The following MYDGF variants were observed in gnomAD, a reference collection of about 807,000 sequenced individuals.
The protein encoded by MYDGF is myeloid-derived growth factor.
A neutral mutation model predicts 24.2 loss-of-function variants in MYDGF; 29 were observed. The observed-to-expected ratio is 1.20, with a 90% CI of 0.89 to 1.63. The LOEUF (loss-of-function observed/expected upper bound fraction) is 1.63. Among genes scored for constraint, MYDGF ranks in the 40% most tolerant of loss-of-function variants. MYDGF has a pLI of 0.00. For synonymous variants in MYDGF, 105 were observed against 102.5 expected (o/e 1.02, Z -0.15); for missense variants, 245 against 234.8 (o/e 1.04, Z -0.29).
chr19:4,669,809 T>TG (rs1340643178), intron 1 of MYDGF, among the ~76,000 whole-genome samples: 1 of 152,088 alleles, frequency 6.6e-6, no homozygotes, highest in Non-Finnish European at 1.5e-5. Flanking sequence ...GGAGGGCAGA[T>TG]GCCCTTTAGC....
intron 4 of MYDGF, 95 bp downstream of exon 4, chr19:4,660,574 C>T (rs543516482): frequency 1.7e-6 from 2 of 1,199,932 alleles, no homozygotes; most frequent in Admixed American, 1.8e-5. Context: ...CCTCTCCTCC[C>T]TGTCCCCATG....
At position 4,657,883 on chromosome 19, in the gene MYDGF, G is replaced by A. The variant is rs1599834665; in HGVS notation, c.*122C>T. On this transcript the variant is annotated 3_prime_UTR_variant, in exon 6 of 6. Transcript: ENST00000262947. ...AGCCCCTCCGGACAAGGCAACGTCA[G>A]CCCAGGTAGAAAACTTAAGAGTCCC... is the stretch of plus-strand genomic sequence containing the variant. 7.6e-6 allele frequency: 7 copies of A among 920,046 alleles called. No homozygotes were observed. In the East Asian group the frequency reaches 1.6e-4, roughly 21 times the overall value. The allele number at this position is 920,046 out of a possible 1,614,324, so 57.0% of individuals were successfully genotyped here.
At position 4,665,017 on chromosome 19, in the gene MYDGF, A is replaced by G. The variant is rs556405090; in HGVS notation, c.226-80T>C. ...CTTCTAGGTGTGCCTCTGATTCTACAGTCAGGCCACCTCTTCTGTACCTCC... is the reference window on the plus strand; with the variant it reads ...CTTCTAGGTGTGCCTCTGATTCTACGGTCAGGCCACCTCTTCTGTACCTCC... On this transcript the variant is annotated intron_variant, in intron 2 of 5. Coordinates refer to ENST00000262947, the MANE Select transcript of MYDGF (RefSeq NM_019107.4). 3.4e-6 allele frequency: 5 copies of G among 1,473,642 alleles called. No homozygotes were observed. The Admixed American group carries it at 7.6e-5, about 22-fold the overall frequency. 91.3% of individuals were successfully genotyped at this position (1,473,642 alleles called of 1,614,324 possible). A position where few individuals can be genotyped will look rare whatever the true frequency, so the allele number is the denominator to read the frequency against.
rs753435683 is a variant in MYDGF at position 4,658,610 on chromosome 19, G to A, written c.443-526C>T. ...ACCCTTGCCCCAGCTCGGCGCCTCCGATTCCTCTTTCTGCTTAGCATTGGC... is the reference window on the plus strand; with the variant it reads ...ACCCTTGCCCCAGCTCGGCGCCTCCAATTCCTCTTTCTGCTTAGCATTGGC... On this transcript the variant is annotated intron_variant, in intron 5 of 5. Transcript: ENST00000262947. Among the ~76,000 whole-genome samples the A allele has an allele frequency of 2.0e-5, 3 of 152,084 alleles. No individual in the cohort carries two copies. The East Asian group carries it at 5.8e-4, about 30-fold the overall frequency.
At chr19:4,666,432 C>T (rs1161196891) in intron 2 of MYDGF, among the ~76,000 whole-genome samples, 4 of 152,056 alleles carry the variant, frequency 2.6e-5, no homozygotes, top group African/African-American at 4.8e-5. Context: ...CGTGCCACCA[C>T]GCCCTGCTAA....
chr19:4,667,291 G>A (rs970221991), intron 2 of MYDGF, among the ~76,000 whole-genome samples: 2 of 152,032 alleles, frequency 1.3e-5, no homozygotes, highest in African/African-American at 4.8e-5. Flanking sequence ...AAAACACCCG[G>A]CTAATTTTTT....
Position 4,670,179 on chromosome 19 carries a change from G to C in MYDGF, c.156C>G (p.Ser52=). ...CACGTACCCCCGGGCCCACGTTATG[G>C]GAGAAGGAATGCACGACGCCGCCGG... is the stretch of plus-strand genomic sequence containing the variant. ...VRPGGVVHSF[S]HNVGPGDKYT... is the part of the protein sequence containing the mutation. The change falls in exon 1 of 6, where the codon TCC becomes TCG. Residue 52 remains serine (S), a synonymous_variant. Coordinates refer to ENST00000262947, the MANE Select transcript of MYDGF (RefSeq NM_019107.4). 1 of 1,552,646 alleles carries C rather than the reference G, an allele frequency of 6.4e-7. No homozygotes were observed. Among genetic ancestry groups the C allele is most frequent in the Non-Finnish European group, 8.7e-7 (1 of 1,152,254 alleles).
chr19:4,668,806 C>G, intron 1 of MYDGF, 161 bp from the exon 2 acceptor site: 1 of 557,656 alleles, frequency 1.8e-6, no homozygotes, highest in Non-Finnish European at 3.2e-6. Context: ...CTCAGCCTCT[C>G]AAGTAACTGA....
In MYDGF at chr19:4,662,416, C is replaced by A. The variant is rs76600312; in HGVS notation, c.288-1666G>T. 4.3e-4 allele frequency among the ~76,000 whole-genome samples: 65 copies of A among 152,326 alleles called. No individual in the cohort carries two copies. In the East Asian group the frequency reaches 0.012, roughly 29 times the overall value. On this transcript the variant is annotated intron_variant, in intron 3 of 5. Transcript: ENST00000262947. ...GGGACAAGATTCCTGAAGCCCCCGA[C>A]CCCCTCCCCACCGGGGGGCCTGACG...
At position 4,658,091 on chromosome 19, in the gene MYDGF, G is replaced by GA; in HGVS notation, c.443-8dup. 6.2e-7 allele frequency: 1 copy of GA among 1,607,310 alleles called. No individual in the cohort carries two copies. Among genetic ancestry groups the GA allele is most frequent in the Non-Finnish European group, 8.5e-7 (1 of 1,177,318 alleles). On this transcript the variant is annotated splice_region_variant and splice_polypyrimidine_tract_variant and intron_variant, in intron 5 of 5. Coordinates refer to ENST00000262947, the MANE Select transcript of MYDGF (RefSeq NM_019107.4). ...GCCCCGGGCCTGTGAGCCACTGCAA[G>GA]AAAGAAACACATGGTTGGGCCCTCA...
At chr19:4,663,892 G>A (rs548450177) in intron 3 of MYDGF, among the ~76,000 whole-genome samples, 5 of 149,220 alleles carry the variant, frequency 3.4e-5, no homozygotes, top group Admixed American at 2.7e-4. Flanking sequence ...CATCCTGGTT[G>A]GTGCCTGGAG....
chr19:4,661,636 AG>A (rs1459902185), intron 3 of MYDGF, among the ~76,000 whole-genome samples: 2 of 145,180 alleles, frequency 1.4e-5, no homozygotes, highest in Non-Finnish European at 3.0e-5. Flanking sequence ...GAGGGGCAGC[AG>A]GGGGGCCATT....
intron 5 of MYDGF, among the ~76,000 whole-genome samples, chr19:4,659,229 C>T (rs1385260712): frequency 1.3e-5 from 2 of 151,990 alleles, no homozygotes; most frequent in Admixed American, 6.6e-5. Flanking sequence ...GTACACACCA[C>T]CATGCCCGGC....
chr19:4,657,741 G>A lies in MYDGF; in HGVS notation c.*264C>T, dbSNP rs992485849. The A allele has an allele frequency of 2.5e-5, 8 of 320,558 alleles. No homozygotes were observed. The highest frequency in any genetic ancestry group is 4.0e-5 in the Non-Finnish European group (7 of 173,042). The allele number at this position is 320,558 out of a possible 1,614,324, so 19.9% of individuals were successfully genotyped here. On this transcript the variant is annotated 3_prime_UTR_variant, in exon 6 of 6. Transcript: ENST00000262947. ...ATGTTCCCCACCCTCTTTGTGCCCC[G>A]GATCTGCGATCCTGAGTCCAGAAGA... is the stretch of plus-strand genomic sequence containing the variant.
At chr19:4,660,557 G>T in intron 4 of MYDGF, 112 bp downstream of exon 4, 1 of 1,013,992 alleles carries the variant, frequency 9.9e-7, no homozygotes, top group Non-Finnish European at 1.5e-6. Context: ...TGCAGGATTC[G>T]CTGTCCCCTC....
intron 3 of MYDGF, among the ~76,000 whole-genome samples, chr19:4,663,526 T>C (rs113637502): frequency 1.6e-3 from 79 of 49,252 alleles, no homozygotes; most frequent in Middle Eastern, 0.018. Flanking sequence ...CCCATCCTCA[T>C]TCTACACAGC....
Position 4,668,593 on chromosome 19 carries a change from A to G in MYDGF, c.225+2T>C. ...AGCTAGAGGGAATTTTGAACAACTC[A>G]CCTCATTGGTCCCTCCTTGAGAGGC... is the stretch of plus-strand genomic sequence containing the variant. On this transcript the variant is annotated splice_donor_variant, in intron 2 of 5. Transcript: ENST00000262947. LOFTEE classifies it high-confidence loss of function. 1 of 1,609,248 alleles carries G rather than the reference A, an allele frequency of 6.2e-7. No individual in the cohort carries two copies. Among genetic ancestry groups the G allele is most frequent in the Non-Finnish European group, 8.5e-7 (1 of 1,175,882 alleles).
At chr19:4,659,305 C>T (rs1293575829) in intron 5 of MYDGF, among the ~76,000 whole-genome samples, 1 of 152,038 alleles carries the variant, frequency 6.6e-6, no homozygotes, top group Non-Finnish European at 1.5e-5. Flanking sequence ...GGCATGATCT[C>T]AGCTCACTGC....
In MYDGF at chr19:4,670,165, G is replaced by T. The variant is rs758288662; in HGVS notation, c.170C>A (p.Pro57Gln). The T allele has an allele frequency of 6.5e-7, 1 of 1,530,582 alleles. No homozygotes were observed. The highest frequency in any genetic ancestry group is 8.8e-7 in the Non-Finnish European group (1 of 1,138,264). 94.8% of individuals were successfully genotyped at this position (1,530,582 alleles called of 1,614,324 possible). A position where few individuals can be genotyped will look rare whatever the true frequency, so the allele number is the denominator to read the frequency against. ...CGGGACGGCGGTGGCACGTACCCCC[G>T]GGCCCACGTTATGGGAGAAGGAATG... Reference protein sequence around the residue: ...VVHSFSHNVGPGDKYTCMFTY... With the variant: ...VVHSFSHNVGQGDKYTCMFTY... Residue 57 changes from proline (P) to glutamine (Q), a missense_variant, in exon 1 of 6, where the codon CCG becomes CAG. By Grantham distance (76) the Pro-to-Gln change is moderately conservative. Coordinates refer to ENST00000262947, the MANE Select transcript of MYDGF (RefSeq NM_019107.4).
Sources: gnomAD v4.1 joint callset for allele counts (sites outside exome capture counted in the v4.1 genomes callset) on GRCh38, gnomAD v4.1.1 for gene constraint, MANE v1.5 for transcripts, NCBI Gene and HGNC (gene_info 2026-07-23, HGNC 2026-07-21) for gene names.